Variants in FGD6 observed in about 807,000 individuals in gnomAD.
FGD6 encodes the protein FYVE, RhoGEF and PH domain containing 6.
In FGD6, 90 loss-of-function variants were observed where a neutral mutation model predicts 149.4. The observed-to-expected ratio is 0.60, with a 90% CI of 0.51 to 0.72. FGD6 has a LOEUF of 0.72. Ranked by LOEUF, FGD6 falls within the 30% of genes least tolerant of loss-of-function variation. FGD6 has a pLI of 0.00. For missense variants in FGD6, 1,437 were observed against 1,684.8 expected, an observed-to-expected ratio of 0.85 and a Z score of 2.57; for synonymous variants, 527 against 584.0, an observed-to-expected ratio of 0.90 and a Z score of 1.41.
intron 8 of FGD6, 22 bp downstream of exon 8, chr12:95,134,717 G>A: frequency 6.2e-7 from 1 of 1,609,522 alleles, no homozygotes; most frequent in East Asian, 2.2e-5. Flanking sequence ...TGGGTGGTTG[G>A]CAAAATGCTG....
At chr12:95,092,137 A>C (rs1268143491) in intron 16 of FGD6, among the ~76,000 whole-genome samples, 1 of 152,204 alleles carries the variant, frequency 6.6e-6, no homozygotes, top group Non-Finnish European at 1.5e-5. Context: ...GATCACCAGC[A>C]CTGTCATCAT....
chr12:95,172,988 G>A (rs1183829447), intron 2 of FGD6, among the ~76,000 whole-genome samples: 2 of 152,238 alleles, frequency 1.3e-5, no homozygotes, highest in East Asian at 3.9e-4. Context: ...TTTCCCAGCT[G>A]CTCCCATCCT....
intron 9 of FGD6, 34 bp from the exon 10 acceptor site, chr12:95,108,595 A>G: frequency 6.2e-7 from 1 of 1,611,938 alleles, no homozygotes; most frequent in Non-Finnish European, 8.5e-7. Context: ...TGCATTTAGT[A>G]ATTACAATGG....
chr12:95,178,252 T>C (rs1881188897), intron 2 of FGD6, among the ~76,000 whole-genome samples: 1 of 152,086 alleles, frequency 6.6e-6, no homozygotes. Flanking sequence ...AAAGCAACCG[T>C]CACGTATGCA....
At chr12:95,089,533 C>A in intron 18 of FGD6, 36 bp downstream of exon 18, 1 of 1,606,278 alleles carries the variant, frequency 6.2e-7, no homozygotes, top group Non-Finnish European at 8.5e-7. Flanking sequence ...AATAATTCAG[C>A]CTCTATCACA....
intron 2 of FGD6, among the ~76,000 whole-genome samples, 181 bp from the exon 3 acceptor site, chr12:95,172,925 A>C (rs1881036009): frequency 6.6e-6 from 1 of 152,048 alleles, no homozygotes; most frequent in African/African-American, 2.4e-5. Context: ...GCTGCCAAAA[A>C]CTCAAATTAA....
chr12:95,208,751 G>A lies in FGD6; in HGVS notation c.2441+92C>T, dbSNP rs537476629. 571 of 1,383,350 alleles carry A rather than the reference G, an allele frequency of 4.1e-4. 5 individuals are homozygous for A. The South Asian group carries it at 7.4e-3, about 18-fold the overall frequency. The allele number at this position is 1,383,350 out of a possible 1,614,324, so 85.7% of individuals were successfully genotyped here. ...TTTTCTAAACTATTCCTTCAACCAC[G>A]TGTTTTTTTTCCCCCTGCATTCCTA... On this transcript the variant is annotated intron_variant, in intron 2 of 20. Coordinates refer to ENST00000343958, the MANE Select transcript of FGD6 (RefSeq NM_018351.4).
chr12:95,179,146 T>G (rs775373651), intron 2 of FGD6, among the ~76,000 whole-genome samples: 84 of 152,128 alleles, frequency 5.5e-4, no homozygotes, highest in Non-Finnish European at 1.1e-3. Flanking sequence ...ATACCATTAC[T>G]ATCACCTTCC....
Position 95,108,491 on chromosome 12 carries a change from C to G in FGD6, c.3192+12G>C. 1 of 1,614,162 alleles carries G rather than the reference C, an allele frequency of 6.2e-7. No individual in the cohort carries two copies. The highest frequency in any genetic ancestry group is 1.3e-5 in the African/African-American group (1 of 75,058). On this transcript the variant is annotated intron_variant, in intron 10 of 20. Transcript: ENST00000343958. ...TCAAGACCACACCAGCCACTGACAACAAGACACTTACTCCTTGCTTCATGG... is the reference window on the plus strand; with the variant it reads ...TCAAGACCACACCAGCCACTGACAAGAAGACACTTACTCCTTGCTTCATGG...
intron 11 of FGD6, among the ~76,000 whole-genome samples, chr12:95,108,145 C>T (rs6538590): frequency 0.88 from 133,741 of 152,200 alleles, 59,112 homozygotes; most frequent in African/African-American, 0.97. Context: ...CCTAATTGAA[C>T]TGGACTTACT....
intron 8 of FGD6, among the ~76,000 whole-genome samples, chr12:95,116,295 C>T (rs1879010390): frequency 6.6e-6 from 1 of 152,148 alleles, no homozygotes; most frequent in Non-Finnish European, 1.5e-5. Flanking sequence ...TGTTCTCAAA[C>T]CCTAAGCTAC....
At chr12:95,136,339 C>CA (rs1174460686) in intron 7 of FGD6, among the ~76,000 whole-genome samples, 18 of 152,264 alleles carry the variant, frequency 1.2e-4, no homozygotes, top group African/African-American at 4.1e-4. Context: ...GCCTGGGCGA[C>CA]AGAGCTAGAC....
At position 95,077,711 on chromosome 12, in the gene FGD6, C is replaced by T. The variant is rs1449690213; in HGVS notation, c.*3809G>A. On this transcript the variant is annotated 3_prime_UTR_variant, in exon 21 of 21. Coordinates refer to ENST00000343958, the MANE Select transcript of FGD6 (RefSeq NM_018351.4). Reference sequence around the variant, plus strand: ...ACTTGAACCAGGGCCTATGTAATAACAGCAGGGCAATGAGGATGGAAAGGA... The same window carrying T: ...ACTTGAACCAGGGCCTATGTAATAATAGCAGGGCAATGAGGATGGAAAGGA... 1 of 152,208 alleles carries T rather than the reference C, an allele frequency of 6.6e-6. No homozygotes were observed. The highest frequency in any genetic ancestry group is 1.5e-5 in the Non-Finnish European group (1 of 68,036). The allele number at this position is 152,208 out of a possible 1,614,324, so 9.4% of individuals were successfully genotyped here. A position where few individuals can be genotyped will look rare whatever the true frequency, so the allele number is the denominator to read the frequency against.
chr12:95,081,457 A>G lies in FGD6; in HGVS notation c.*63T>C, dbSNP rs1555215518. 4.2e-6 allele frequency: 6 copies of G among 1,415,892 alleles called. No individual in the cohort carries two copies. The highest frequency in any genetic ancestry group is 1.5e-5 in the South Asian group (1 of 65,866). 87.7% of individuals were successfully genotyped at this position (1,415,892 alleles called of 1,614,324 possible). A position where few individuals can be genotyped will look rare whatever the true frequency, so the allele number is the denominator to read the frequency against. On this transcript the variant is annotated 3_prime_UTR_variant, in exon 21 of 21. Coordinates refer to ENST00000343958, the MANE Select transcript of FGD6 (RefSeq NM_018351.4). ...CATTTTTATACAATTTTTGAATTGC[A>G]TTTACTCCATTCTGATGAAATTCCA... is the stretch of plus-strand genomic sequence containing the variant.
In FGD6 at chr12:95,080,407, T is replaced by C. The variant is rs971993598; in HGVS notation, c.*1113A>G. 89 of 152,162 alleles carry C rather than the reference T, an allele frequency of 5.8e-4. No individual in the cohort carries two copies. Among genetic ancestry groups the C allele is most frequent in the African/African-American group, 2.1e-3 (86 of 41,438 alleles). The allele number at this position is 152,162 out of a possible 1,614,324, so 9.4% of individuals were successfully genotyped here. A position where few individuals can be genotyped will look rare whatever the true frequency, so the allele number is the denominator to read the frequency against. The stretch of plus-strand genomic sequence containing the variant: ...TTAAACAGTAAGTGCACCAGAATTA[T>C]GAATCTAAATCTTTCCTAAGGAGGT... On this transcript the variant is annotated 3_prime_UTR_variant, in exon 21 of 21. Coordinates refer to ENST00000343958, the MANE Select transcript of FGD6 (RefSeq NM_018351.4).
rs754051793 is a variant in FGD6 at position 95,152,977 on chromosome 12, A to G, written c.2603T>C (p.Met868Thr). ...LEDKQDEDNGMKSKVHHIAKE... is the reference protein window; with the variant it reads ...LEDKQDEDNGTKSKVHHIAKE... ...GGCAATATGATGAACTTTACTTTTC[A>G]TTCCATTATCTTCATCCTGTGGATA... The change falls in exon 4 of 21, where the codon ATG becomes ACG. Residue 868 changes from methionine to threonine, a missense_variant. Around this residue, in one of 2 missense-constraint regions of FGD6, gnomAD observed 1,055 missense variants for 1,146.0 expected, o/e 0.92. Coordinates refer to ENST00000343958, the MANE Select transcript of FGD6 (RefSeq NM_018351.4). 6.2e-7 allele frequency: 1 copy of G among 1,613,862 alleles called. No homozygotes were observed. Among genetic ancestry groups the G allele is most frequent in the Non-Finnish European group, 8.5e-7 (1 of 1,179,932 alleles).
chr12:95,142,364 C>T (rs946603548), intron 5 of FGD6, among the ~76,000 whole-genome samples: 4 of 151,738 alleles, frequency 2.6e-5, no homozygotes, highest in Admixed American at 6.6e-5. Context: ...AGGCTGGTCT[C>T]GAATTCCTGA....
chr12:95,090,296 T>TA lies in FGD6; in HGVS notation c.3851-601dup, dbSNP rs945407680. On this transcript the variant is annotated intron_variant, in intron 17 of 20. Coordinates refer to ENST00000343958, the MANE Select transcript of FGD6 (RefSeq NM_018351.4). ...TATCTGGAGAATAATGAGGCCAGAT[T>TA]AAAAAAAAGGGGCTGGTTTGAAGCA... 1.6e-4 allele frequency among the ~76,000 whole-genome samples: 25 copies of TA among 152,070 alleles called. No individual in the cohort carries two copies. In the East Asian group the frequency reaches 1.9e-3, roughly 12 times the overall value.
chr12:95,149,372 C>A (rs1880219082), intron 5 of FGD6, among the ~76,000 whole-genome samples: 2 of 105,742 alleles, frequency 1.9e-5, no homozygotes, highest in Admixed American at 1.4e-4. Flanking sequence ...TTATATATAG[C>A]ACATATTTTA....
Sources: gnomAD v4.1 joint callset for allele counts (sites outside exome capture counted in the v4.1 genomes callset) on GRCh38, gnomAD v4.1.1 for gene constraint, gnomAD v4.1.1 regional missense constraint, MANE v1.5 for transcripts, NCBI Gene and HGNC (gene_info 2026-07-23, HGNC 2026-07-21) for gene names.